SHROOM3: variants seen among roughly 807,000 people sequenced by gnomAD.
SHROOM3 encodes shroom family member 3, also known as protein Shroom3.
SHROOM3 carries 47 observed loss-of-function variants against 138.6 expected under a neutral mutation model. That is an observed-to-expected ratio of 0.34 (90% CI 0.27 to 0.43). The LOEUF (loss-of-function observed/expected upper bound fraction) is 0.43, where lower values mean the gene tolerates loss of function less well. Among genes scored for constraint, SHROOM3 ranks in the 20% least tolerant of loss-of-function variants. The pLI is 1.00. For missense variants in SHROOM3, 2,491 were observed against 2,596.5 expected, an observed-to-expected ratio of 0.96 and a Z score of 0.88; for synonymous variants, 1,062 against 1,063.3, an observed-to-expected ratio of 1.00 and a Z score of 0.02.
intron 2 of SHROOM3, among the ~76,000 whole-genome samples, chr4:76,580,992 T>C (rs192597902): frequency 6.6e-6 from 1 of 152,358 alleles, no homozygotes; most frequent in African/African-American, 2.4e-5. Context: ...GCCTTATTTA[T>C]TCTTTATATT....
intron 4 of SHROOM3, 37 bp downstream of exon 4, chr4:76,730,972 T>C: frequency 6.2e-7 from 1 of 1,613,250 alleles, no homozygotes; most frequent in Non-Finnish European, 8.5e-7. Context: ...GGTTTCTTTC[T>C]TTCTAATGTC....
intron 2 of SHROOM3, among the ~76,000 whole-genome samples, chr4:76,620,116 A>T (rs1734971085): frequency 6.6e-6 from 1 of 150,882 alleles, no homozygotes. Context: ...AAGAAACAAT[A>T]GGATTTGATC....
intron 3 of SHROOM3, among the ~76,000 whole-genome samples, chr4:76,712,655 G>A (rs1720260895): frequency 6.6e-6 from 1 of 152,178 alleles, no homozygotes; most frequent in Admixed American, 6.5e-5. Context: ...GAGCTAGATG[G>A]TGCAGACATC....
At chr4:76,460,703 A>G (rs1266219452) in intron 1 of SHROOM3, among the ~76,000 whole-genome samples, 1 of 151,550 alleles carries the variant, frequency 6.6e-6, no homozygotes, top group Non-Finnish European at 1.5e-5. Context: ...ATTTCCTCTT[A>G]GAAGAGGCCA....
intron 10 of SHROOM3, among the ~76,000 whole-genome samples, chr4:76,773,263 A>G (rs1334219018): frequency 6.6e-6 from 1 of 151,448 alleles, no homozygotes; most frequent in Non-Finnish European, 1.5e-5. Context: ...AATCCCAGCT[A>G]CTCAGGAGGC....
intron 3 of SHROOM3, among the ~76,000 whole-genome samples, chr4:76,722,548 A>G (rs1021397549): frequency 9.9e-5 from 15 of 152,030 alleles, no homozygotes; most frequent in African/African-American, 3.6e-4. Flanking sequence ...AAACATAACT[A>G]TTGGGTACTA....
chr4:76,502,382 C>T (rs1291117789), intron 1 of SHROOM3, among the ~76,000 whole-genome samples: 1 of 152,160 alleles, frequency 6.6e-6, no homozygotes, highest in African/African-American at 2.4e-5. Flanking sequence ...CGATGGATAG[C>T]TGGTCATTCA....
chr4:76,605,617 A>G (rs1174208040), intron 2 of SHROOM3, among the ~76,000 whole-genome samples: 2 of 152,148 alleles, frequency 1.3e-5, no homozygotes, highest in Non-Finnish European at 2.9e-5. Context: ...TTAGTTGTTG[A>G]GAGAACTATG....
intron 2 of SHROOM3, among the ~76,000 whole-genome samples, chr4:76,608,743 T>TAGCATAGCACAGCAC (rs1270655131): frequency 5.4e-5 from 7 of 130,438 alleles, no homozygotes; most frequent in Non-Finnish European, 6.8e-5. Context: ...TAGCATAGCA[T>TAGCATAGCACAGCAC]AGCACAGTGT....
At chr4:76,652,153 A>ATGTATTAGG in intron 2 of SHROOM3, among the ~76,000 whole-genome samples, 1 of 152,220 alleles carries the variant, frequency 6.6e-6, no homozygotes, top group African/African-American at 2.4e-5. Context: ...GCTGAGGCAA[A>ATGTATTAGG]CTTACCTGGT....
chr4:76,491,242 G>A (rs1305958317), intron 1 of SHROOM3, among the ~76,000 whole-genome samples: 4 of 152,212 alleles, frequency 2.6e-5, no homozygotes, highest in African/African-American at 7.2e-5. Flanking sequence ...ATGAATCCAA[G>A]ATCTCCAGAG....
chr4:76,617,736 T>A (rs930129779), intron 2 of SHROOM3, among the ~76,000 whole-genome samples: 1 of 152,226 alleles, frequency 6.6e-6, no homozygotes, highest in Non-Finnish European at 1.5e-5. Flanking sequence ...CTATATTTAT[T>A]GTATTTTTTA....
At chr4:76,760,113 CT>C (rs911292133) in intron 9 of SHROOM3, among the ~76,000 whole-genome samples, 1 of 152,100 alleles carries the variant, frequency 6.6e-6, no homozygotes, top group Non-Finnish European at 1.5e-5. Context: ...AATCTAGAAA[CT>C]TTTTTTAGGG....
At chr4:76,476,327 A>G in intron 1 of SHROOM3, among the ~76,000 whole-genome samples, 1 of 152,204 alleles carries the variant, frequency 6.6e-6, no homozygotes, top group East Asian at 1.9e-4. Context: ...AGACTCTCAA[A>G]GCCATTTGTG....
At position 76,741,951 on chromosome 4, in the gene SHROOM3, C is replaced by T; in HGVS notation, c.3753+25C>T. On this transcript the variant is annotated intron_variant, in intron 5 of 10. Coordinates refer to ENST00000296043, the MANE Select transcript of SHROOM3 (RefSeq NM_020859.4). This position sits in a 1 kb window ranked among gnomAD's most constrained non-coding sequence, Gnocchi z 6.2. ...GGTACGTGCAACCAGCAAGTCCTGG[C>T]CTCGAACTGTCCCTTCCTCCCTAGA... is the stretch of plus-strand genomic sequence containing the variant. The T allele has an allele frequency of 6.2e-7, 1 of 1,607,912 alleles. No individual in the cohort carries two copies. Among genetic ancestry groups the T allele is most frequent in the South Asian group, 1.1e-5 (1 of 89,692 alleles).
At chr4:76,553,852 G>T (rs1733420663) in intron 1 of SHROOM3, among the ~76,000 whole-genome samples, 1 of 152,156 alleles carries the variant, frequency 6.6e-6, no homozygotes, top group Non-Finnish European at 1.5e-5. Context: ...ACGAATGGAA[G>T]GTGCAGATAT....
intron 2 of SHROOM3, among the ~76,000 whole-genome samples, chr4:76,606,007 ATTTTT>A (rs1164704632): frequency 6.4e-5 from 5 of 77,818 alleles, no homozygotes; most frequent in African/African-American, 2.1e-4. Flanking sequence ...ATATATATAT[ATTTTT>A]TTTTTTTTTT....
intron 2 of SHROOM3, among the ~76,000 whole-genome samples, chr4:76,707,143 T>C (rs1335792930): frequency 6.6e-6 from 1 of 152,238 alleles, no homozygotes; most frequent in Non-Finnish European, 1.5e-5. Context: ...AAAAATGGGC[T>C]TATTTGGTAA....
At chr4:76,601,500 G>A (rs973053965) in intron 2 of SHROOM3, among the ~76,000 whole-genome samples, 36 of 152,134 alleles carry the variant, frequency 2.4e-4, no homozygotes, top group African/African-American at 8.4e-4. Context: ...CTCAGGTTAT[G>A]TAAGGAAAAT....
Sources: gnomAD v4.1 joint callset for allele counts (sites outside exome capture counted in the v4.1 genomes callset) on GRCh38, gnomAD v4.1.1 for gene constraint, Gnocchi (gnomAD v3.1) non-coding constraint, MANE v1.5 for transcripts, NCBI Gene and HGNC (gene_info 2026-07-23, HGNC 2026-07-21) for gene names.